GSAP: variants seen among roughly 807,000 people sequenced by gnomAD.
The protein encoded by GSAP is gamma-secretase-activating protein.
In GSAP, 118 loss-of-function variants were observed where a neutral mutation model predicts 131.7. That is an observed-to-expected ratio of 0.90 (90% confidence interval 0.77 to 1.04). GSAP has a LOEUF of 1.04. Among genes scored for constraint, GSAP ranks in the 50% least tolerant of loss-of-function variants. GSAP has a pLI of 0.00. For missense variants in GSAP, 1,019 were observed against 1,013.2 expected (o/e 1.01, Z -0.08); for synonymous variants, 381 against 363.4 (o/e 1.05, Z -0.55).
At chr7:77,380,002 TA>T in intron 8 of GSAP, 1 of 666,120 alleles carries the variant, frequency 1.5e-6, no homozygotes, top group Non-Finnish European at 1.9e-6. Flanking sequence ...TGATGCAGAC[TA>T]AATATTGAAG....
chr7:77,352,758 A>T (rs1793067765), intron 18 of GSAP, among the ~76,000 whole-genome samples, 186 bp downstream of exon 18: 1 of 151,382 alleles, frequency 6.6e-6, no homozygotes, highest in Non-Finnish European at 1.5e-5. Context: ...GTTTTTATAC[A>T]AATACTTTTG....
In GSAP at chr7:77,416,330, C is replaced by T; in HGVS notation, c.-9G>A. On this transcript the variant is annotated 5_prime_UTR_variant, in exon 1 of 31. Transcript: ENST00000257626. ...ACCAGGCGAAGAGCCATCGCCCGGA[C>T]ACGACCACCGGGCGGCTCTGGGGCC... 6.8e-7 allele frequency: 1 copy of T among 1,470,892 alleles called. No homozygotes were observed. The allele number at this position is 1,470,892 out of a possible 1,614,324, so 91.1% of individuals were successfully genotyped here. A position where few individuals can be genotyped will look rare whatever the true frequency, so the allele number is the denominator to read the frequency against.
At chr7:77,381,957 C>G (rs1296796572) in intron 7 of GSAP, among the ~76,000 whole-genome samples, 1 of 150,570 alleles carries the variant, frequency 6.6e-6, no homozygotes, top group African/African-American at 2.5e-5. Context: ...TGAACAAAGC[C>G]TTACCCCTCA....
chr7:77,341,462 G>A (rs1790886504), intron 19 of GSAP, among the ~76,000 whole-genome samples: 1 of 152,140 alleles, frequency 6.6e-6, no homozygotes, highest in Non-Finnish European at 1.5e-5. Flanking sequence ...TCCACGACTA[G>A]CCCTTCCCGA....
chr7:77,381,618 G>A (rs1360914090), intron 7 of GSAP, among the ~76,000 whole-genome samples: 2 of 151,950 alleles, frequency 1.3e-5, no homozygotes, highest in African/African-American at 4.8e-5. Flanking sequence ...GAAGTATTTA[G>A]CCCTCCTGCT....
intron 5 of GSAP, among the ~76,000 whole-genome samples, chr7:77,393,365 G>T (rs1308300712): frequency 2.0e-5 from 3 of 152,042 alleles, no homozygotes; most frequent in African/African-American, 7.2e-5. Flanking sequence ...CCCATGATGA[G>T]CAATACCTTT....
Position 77,377,350 on chromosome 7 carries a change from G to T in GSAP, c.617C>A (p.Ala206Asp). 6.4e-7 allele frequency: 1 copy of T among 1,558,484 alleles called. No individual in the cohort carries two copies. ...CCACTGAGCCCAAACGAAATCCTCAGCTATTCTGTCTCTTGGGAGATGGCC... is the reference window on the plus strand; with the variant it reads ...CCACTGAGCCCAAACGAAATCCTCATCTATTCTGTCTCTTGGGAGATGGCC... ...NSGHLPRDRI[A>D]EDFVWAQWDM... The change falls in exon 9 of 31, where the codon GCT (alanine) becomes GAT (aspartate). Residue 206 changes from alanine to aspartate, a missense_variant. Ala to Asp is a moderately radical substitution (Grantham distance 126). Transcript: ENST00000257626.
chr7:77,401,902 ACT>A (rs1221190857), intron 3 of GSAP, among the ~76,000 whole-genome samples: 5 of 152,156 alleles, frequency 3.3e-5, no homozygotes, highest in African/African-American at 1.2e-4. Context: ...AAATGGAATA[ACT>A]CTTTCTCGAT....
upstream of GSAP, chr7:77,416,495 C>T: frequency 2.4e-6 from 1 of 412,660 alleles, no homozygotes. Flanking sequence ...ACCAGCTCCT[C>T]CCGGCCGGCG....
chr7:77,394,626 G>T (rs1272541685), intron 5 of GSAP, among the ~76,000 whole-genome samples: 1 of 152,204 alleles, frequency 6.6e-6, no homozygotes, highest in African/African-American at 2.4e-5. Flanking sequence ...AAACAGGGAA[G>T]AAAAGTATAC....
chr7:77,322,690 TAAG>T (rs1008006756), intron 24 of GSAP, among the ~76,000 whole-genome samples: 2 of 151,614 alleles, frequency 1.3e-5, no homozygotes, highest in African/African-American at 4.9e-5. Flanking sequence ...GAAGGAGACT[TAAG>T]AAAGATTCAA....
intron 1 of GSAP, among the ~76,000 whole-genome samples, chr7:77,408,689 CAAAAAAAAAAA>C (rs749202124): frequency 6.0e-5 from 4 of 67,026 alleles, no homozygotes; most frequent in Non-Finnish European, 1.1e-4. Context: ...ACTCTGCCTC[CAAAAAAAAAAA>C]AAAAAAAAAA....
rs1389266165 is a variant in GSAP, at chr7:77,416,289, G to C, written c.33C>G (p.Leu11=). 1.3e-6 allele frequency: 2 copies of C among 1,495,618 alleles called. No individual in the cohort carries two copies. Among genetic ancestry groups the C allele is most frequent in the Admixed American group, 2.3e-5 (1 of 43,890 alleles). 92.6% of individuals were successfully genotyped at this position (1,495,618 alleles called of 1,614,324 possible). A position where few individuals can be genotyped will look rare whatever the true frequency, so the allele number is the denominator to read the frequency against. ...GCAACCACGGGAGCACGTCCTTCCC[G>C]AGGTCGAAGTCGGCGACCAGGCGAA... MALRLVADFD[L]GKDVLPWLRA... Residue 11 remains leucine (L), a synonymous_variant, in exon 1 of 31, where the codon CTC becomes CTG. Transcript: ENST00000257626.
intron 24 of GSAP, among the ~76,000 whole-genome samples, chr7:77,321,807 C>A (rs1787680609): frequency 6.6e-6 from 1 of 152,170 alleles, no homozygotes; most frequent in African/African-American, 2.4e-5. Context: ...TGATCATGAG[C>A]TGTGAAGTAA....
At chr7:77,320,189 C>T (rs746843311) in intron 26 of GSAP, among the ~76,000 whole-genome samples, 10 of 152,136 alleles carry the variant, frequency 6.6e-5, no homozygotes, top group East Asian at 1.9e-4. Context: ...AGCACGTTAC[C>T]GGTCATGTCA....
At chr7:77,324,919 C>T (rs752760811) in intron 23 of GSAP, among the ~76,000 whole-genome samples, 5 of 147,900 alleles carry the variant, frequency 3.4e-5, no homozygotes, top group South Asian at 2.1e-4. Flanking sequence ...TGGGTTCAAG[C>T]GATTCTCATG....
At chr7:77,411,098 T>TAA (rs57255266) in intron 1 of GSAP, among the ~76,000 whole-genome samples, 19,343 of 108,454 alleles carry the variant, frequency 0.18, 1,638 homozygotes, top group African/African-American at 0.21. Context: ...AAGAAAATAG[T>TAA]AAAAAAAAAA....
intron 23 of GSAP, among the ~76,000 whole-genome samples, chr7:77,325,188 T>C (rs534508420): frequency 1.3e-5 from 2 of 152,302 alleles, no homozygotes; most frequent in East Asian, 3.9e-4. Flanking sequence ...TTCCTTCTTG[T>C]ATATGTGAGA....
Position 77,311,336 on chromosome 7 carries a change from A to C in GSAP, c.*22T>G. On this transcript the variant is annotated 3_prime_UTR_variant, in exon 31 of 31. Coordinates refer to ENST00000257626, the MANE Select transcript of GSAP (RefSeq NM_017439.4). Reference sequence around the variant, plus strand: ...TGAGCAAGATTAAAATGGCAGCAGCAGATCCAATTGCGTTTTCTTTTTCAT... The same window carrying C: ...TGAGCAAGATTAAAATGGCAGCAGCCGATCCAATTGCGTTTTCTTTTTCAT... 7.4e-7 allele frequency: 1 copy of C among 1,349,786 alleles called. No individual in the cohort carries two copies. 83.6% of individuals were successfully genotyped at this position (1,349,786 alleles called of 1,614,324 possible). A position where few individuals can be genotyped will look rare whatever the true frequency, so the allele number is the denominator to read the frequency against.
Sources: gnomAD v4.1 joint callset for allele counts (sites outside exome capture counted in the v4.1 genomes callset) on GRCh38, gnomAD v4.1.1 for gene constraint, MANE v1.5 for transcripts, NCBI Gene and HGNC (gene_info 2026-07-23, HGNC 2026-07-21) for gene names.